CAGE1: variants seen among roughly 807,000 people sequenced by gnomAD.
The protein encoded by CAGE1 is cancer antigen 1, also known as cancer-associated gene 1 protein.
In CAGE1, 66 loss-of-function variants were observed where a neutral mutation model predicts 94.9. The ratio of observed to expected loss-of-function variants is 0.70; its 90% CI spans 0.57 to 0.85. The LOEUF (loss-of-function observed/expected upper bound fraction) is 0.85. CAGE1 is among the 40% of genes least tolerant of loss of function. CAGE1 has a pLI of 0.00. For missense variants in CAGE1, 865 were observed against 950.4 expected (o/e 0.91, Z 1.18); for synonymous variants, 319 against 321.0 (o/e 0.99, Z 0.07).
intron 11 of CAGE1, among the ~76,000 whole-genome samples, chr6:7,346,410 A>C (rs1177535116): frequency 1.3e-5 from 2 of 151,798 alleles, no homozygotes; most frequent in African/African-American, 4.8e-5. Flanking sequence ...AAAGTCACGC[A>C]TGGTGGTGCA....
chr6:7,358,815 C>T (rs1363131357), intron 9 of CAGE1, among the ~76,000 whole-genome samples: 3 of 152,104 alleles, frequency 2.0e-5, no homozygotes, highest in Non-Finnish European at 2.9e-5. Flanking sequence ...GCAAGTGATA[C>T]CCTGTAAACA....
chr6:7,346,755 CAGA>C (rs57042680), intron 11 of CAGE1, among the ~76,000 whole-genome samples: 36,774 of 151,032 alleles, frequency 0.24, 4,628 homozygotes, highest in Middle Eastern at 0.3. Context: ...GAGGCTGAGG[CAGA>C]AGAATTGCTT....
chr6:7,374,452 C>A (rs1760665270), intron 4 of CAGE1, among the ~76,000 whole-genome samples: 1 of 152,076 alleles, frequency 6.6e-6, no homozygotes. Flanking sequence ...ATGCAAACTT[C>A]TCTGAACACA....
At chr6:7,352,863 T>A (rs1198365994) in intron 11 of CAGE1, among the ~76,000 whole-genome samples, 1 of 152,176 alleles carries the variant, frequency 6.6e-6, no homozygotes, top group Admixed American at 6.5e-5. Flanking sequence ...TAAAACTGGA[T>A]CTTCATCTCT....
chr6:7,371,545 G>A (rs1760539292), intron 5 of CAGE1, among the ~76,000 whole-genome samples: 1 of 152,192 alleles, frequency 6.6e-6, no homozygotes, highest in South Asian at 2.1e-4. Flanking sequence ...CACTTTGGGA[G>A]GCCGAGGAGG....
intron 2 of CAGE1, 83 bp downstream of exon 2, chr6:7,386,896 T>TA (rs1761140989): frequency 1.1e-6 from 1 of 937,076 alleles, no homozygotes; most frequent in Non-Finnish European, 1.6e-6. Flanking sequence ...TTGTTCCTTA[T>TA]AGTTTTGAAG....
At chr6:7,374,358 AG>A (rs1423478300) in intron 4 of CAGE1, among the ~76,000 whole-genome samples, 3 of 152,236 alleles carry the variant, frequency 2.0e-5, no homozygotes, top group Non-Finnish European at 4.4e-5. Context: ...AGCAGGGCAC[AG>A]GCAGTAGGTA....
intron 11 of CAGE1, among the ~76,000 whole-genome samples, chr6:7,350,579 A>G (rs1759735691): frequency 6.6e-6 from 1 of 152,224 alleles, no homozygotes; most frequent in Non-Finnish European, 1.5e-5. Flanking sequence ...CCACAGTGGA[A>G]TAAAACCGGA....
At chr6:7,335,751 T>C (rs1427562228) in intron 11 of CAGE1, among the ~76,000 whole-genome samples, 1 of 152,212 alleles carries the variant, frequency 6.6e-6, no homozygotes, top group Non-Finnish European at 1.5e-5. Flanking sequence ...ATTGTTTTAC[T>C]ATTTTGTGGA....
intron 11 of CAGE1, among the ~76,000 whole-genome samples, chr6:7,335,356 T>A (rs956936626): frequency 1.3e-5 from 2 of 152,172 alleles, no homozygotes; most frequent in Non-Finnish European, 2.9e-5. Context: ...TAAATAGACC[T>A]GAGAGGATAT....
At chr6:7,357,091 C>T (rs112954653) in intron 9 of CAGE1, among the ~76,000 whole-genome samples, 2,663 of 152,200 alleles carry the variant, frequency 0.017, 78 homozygotes, top group African/African-American at 0.061. Flanking sequence ...AGCCACCGCG[C>T]CCAGCCTAAT....
In CAGE1 at chr6:7,334,770, C is replaced by A. The variant is rs7453449; in HGVS notation, c.2370-680G>T. The stretch of plus-strand genomic sequence containing the variant: ...AAAGAAAGAAAATAAAAGAAAAAAA[C>A]CAAAAAACCCTGAGCTAGAAACAGC... On this transcript the variant is annotated intron_variant, in intron 11 of 13. Transcript: ENST00000502583. Among the ~76,000 whole-genome samples the A allele has an allele frequency of 8.6e-3, 1,110 of 129,030 alleles. 9 individuals are homozygous for A. Among genetic ancestry groups the A allele is most frequent in the African/African-American group, 0.02 (620 of 30,332 alleles). 84.6% of individuals were successfully genotyped at this position (129,030 alleles called of 152,430 possible).
At chr6:7,381,167 A>C (rs1467303071) in intron 3 of CAGE1, among the ~76,000 whole-genome samples, 1 of 152,196 alleles carries the variant, frequency 6.6e-6, no homozygotes, top group Non-Finnish European at 1.5e-5. Flanking sequence ...TCTAACCCCT[A>C]GTACCTTAAA....
intron 11 of CAGE1, among the ~76,000 whole-genome samples, chr6:7,345,635 G>T (rs1320374516): frequency 6.6e-6 from 1 of 152,152 alleles, no homozygotes; most frequent in African/African-American, 2.4e-5. Flanking sequence ...CCTGTGAACG[G>T]AAAAATTACA....
intron 9 of CAGE1, among the ~76,000 whole-genome samples, chr6:7,358,065 T>TATATATATATATATATATACATAC: frequency 8.8e-6 from 1 of 114,094 alleles, no homozygotes; most frequent in African/African-American, 3.7e-5. Flanking sequence ...TATATATATA[T>TATATATATATATATATATACATAC]ATATATGCCT....
At chr6:7,363,644 C>T (rs1277044089) in intron 9 of CAGE1, among the ~76,000 whole-genome samples, 1 of 152,148 alleles carries the variant, frequency 6.6e-6, no homozygotes, top group African/African-American at 2.4e-5. Flanking sequence ...TAGAAGCTAG[C>T]TTTTGGATTC....
Position 7,339,081 on chromosome 6 carries a change from G to A in CAGE1, c.2370-4991C>T. On this transcript the variant is annotated intron_variant, in intron 11 of 13. Transcript: ENST00000502583. This position sits in a 1 kb window ranked among gnomAD's most constrained non-coding sequence, Gnocchi z 4.7. ...AGCAGTGTCAACGTAGTAGTTAACA[G>A]GGTCTCTGCTGTGGATCATCAGGCC... 6.3e-7 allele frequency: 1 copy of A among 1,599,230 alleles called. No homozygotes were observed. Among genetic ancestry groups the A allele is most frequent in the Non-Finnish European group, 8.6e-7 (1 of 1,167,282 alleles).
intron 2 of CAGE1, among the ~76,000 whole-genome samples, chr6:7,386,710 C>T (rs1482356771): frequency 6.6e-6 from 1 of 152,200 alleles, no homozygotes; most frequent in African/African-American, 2.4e-5. Flanking sequence ...TCTCAGCCTC[C>T]AGAGTAGCTG....
intron 11 of CAGE1, chr6:7,341,722 G>T (rs1022496916): frequency 4.3e-6 from 3 of 699,892 alleles, no homozygotes; most frequent in Non-Finnish European, 8.2e-6. Flanking sequence ...GAAGGGAGCA[G>T]GCGCCAGGAA....
Sources: allele counts gnomAD v4.1 joint callset (sites outside exome capture counted in the v4.1 genomes callset), GRCh38; gene constraint gnomAD v4.1.1; non-coding constraint Gnocchi (gnomAD v3.1); transcripts MANE v1.5; gene names NCBI Gene and HGNC (gene_info 2026-07-23, HGNC 2026-07-21).